Variants in CATSPERE observed in about 807,000 individuals in gnomAD.
CATSPERE encodes the protein catsper channel auxiliary subunit epsilon.
Under a neutral mutation model 114.1 loss-of-function variants are expected in CATSPERE, and 93 were observed. That is an observed-to-expected ratio of 0.81 (90% CI 0.69 to 0.97). The LOEUF (loss-of-function observed/expected upper bound fraction) is 0.97, where lower values mean the gene tolerates loss of function less well. Among genes scored for constraint, CATSPERE ranks in the 50% least tolerant of loss-of-function variants. The probability of loss-of-function intolerance (pLI) is 0.00; values close to 1 mark genes in which losing one functional copy is unlikely to be tolerated. For synonymous variants in CATSPERE, 341 were observed against 384.1 expected (o/e 0.89, Z 1.31); for missense variants, 1,058 against 1,131.6 (o/e 0.93, Z 0.93).
intron 2 of CATSPERE, among the ~76,000 whole-genome samples, chr1:244,474,285 A>T (rs1350327068): frequency 1.3e-5 from 2 of 152,020 alleles, no homozygotes; most frequent in African/African-American, 2.4e-5. Context: ...TGCCCACCTC[A>T]GCTTCCAAAG....
intron 17 of CATSPERE, 51 bp from the exon 18 acceptor site, chr1:244,605,644 C>A: frequency 8.1e-7 from 1 of 1,234,234 alleles, no homozygotes. Flanking sequence ...GAACTCTTAA[C>A]CCCTCTATTT....
intron 3 of CATSPERE, 142 bp from the exon 4 acceptor site, chr1:244,477,764 T>C (rs915187487): frequency 1.4e-5 from 13 of 922,564 alleles, no homozygotes; most frequent in Non-Finnish European, 2.0e-5. Context: ...TCGAATATAG[T>C]ATAGAAGTAA....
At chr1:244,558,851 G>A (rs1451433872) in intron 9 of CATSPERE, among the ~76,000 whole-genome samples, 1 of 151,974 alleles carries the variant, frequency 6.6e-6, no homozygotes, top group Non-Finnish European at 1.5e-5. Context: ...TACACTCTGG[G>A]TAGAGGCCAC....
intron 20 of CATSPERE, among the ~76,000 whole-genome samples, chr1:244,629,951 A>T (rs1673716655): frequency 6.6e-6 from 1 of 152,098 alleles, no homozygotes; most frequent in Non-Finnish European, 1.5e-5. Context: ...TGTCTCCTTT[A>T]TCTTACTAAT....
At chr1:244,542,980 T>A (rs1659103267) in intron 8 of CATSPERE, among the ~76,000 whole-genome samples, 1 of 152,236 alleles carries the variant, frequency 6.6e-6, no homozygotes, top group African/African-American at 2.4e-5. Flanking sequence ...TTGGTAAAGA[T>A]GTGGATAAAA....
At position 244,640,047 on chromosome 1, in the gene CATSPERE, T is replaced by G; in HGVS notation, c.2822T>G (p.Leu941Arg). ...RIYRRYIYEP[L>R]HKPQRKRKKN ...TATAGACGATATATTTATGAACCAC[T>G]TCACAAACCTCAAAGAAAACGTAAG... The change falls in exon 22 of 22, where the codon CTT (leucine) becomes CGT (arginine). Residue 941 changes from leucine (L) to arginine (R), a missense_variant. This residue lies in a region of CATSPERE where 787 missense variants were observed against 905.6 expected (regional missense o/e 0.87). Transcript: ENST00000366534. 1.9e-6 allele frequency: 3 copies of G among 1,549,968 alleles called. No homozygotes were observed. Among genetic ancestry groups the G allele is most frequent in the Non-Finnish European group, 2.6e-6 (3 of 1,146,260 alleles).
intron 8 of CATSPERE, among the ~76,000 whole-genome samples, chr1:244,520,272 G>A (rs1416798126): frequency 6.6e-6 from 1 of 151,848 alleles, no homozygotes; most frequent in Non-Finnish European, 1.5e-5. Context: ...TAAGCCCTTG[G>A]TCTACTTTGA....
At chr1:244,496,559 T>C (rs1000405992) in intron 6 of CATSPERE, among the ~76,000 whole-genome samples, 5 of 152,298 alleles carry the variant, frequency 3.3e-5, no homozygotes, top group Admixed American at 6.5e-5. Context: ...GGAGTTTTAC[T>C]TAATAACATG....
At chr1:244,518,998 G>A (rs1677084720) in intron 8 of CATSPERE, among the ~76,000 whole-genome samples, 1 of 151,852 alleles carries the variant, frequency 6.6e-6, no homozygotes, top group African/African-American at 2.4e-5. Context: ...GTCAACCACG[G>A]TGGTGTCCAG....
At chr1:244,466,498 C>T (rs1667625312) in intron 2 of CATSPERE, among the ~76,000 whole-genome samples, 1 of 152,148 alleles carries the variant, frequency 6.6e-6, no homozygotes, top group Non-Finnish European at 1.5e-5. Flanking sequence ...GGGTAGCATG[C>T]TGCCTGGTAT....
At chr1:244,588,159 A>C (rs1350194535) in intron 13 of CATSPERE, among the ~76,000 whole-genome samples, 1 of 146,050 alleles carries the variant, frequency 6.8e-6, no homozygotes, top group African/African-American at 2.6e-5. Context: ...GCACCACTGC[A>C]CTCCAGCCTG....
At chr1:244,551,000 C>T (rs1660530402) in intron 8 of CATSPERE, among the ~76,000 whole-genome samples, 1 of 152,108 alleles carries the variant, frequency 6.6e-6, no homozygotes, top group Admixed American at 6.5e-5. Flanking sequence ...TTTAGGTTAG[C>T]AAGAAAAAAG....
At chr1:244,634,374 G>A (rs900892359) in intron 20 of CATSPERE, among the ~76,000 whole-genome samples, 1 of 152,076 alleles carries the variant, frequency 6.6e-6, no homozygotes, top group African/African-American at 2.4e-5. Flanking sequence ...GTATTCTGAG[G>A]GGTAAATGAA....
intron 6 of CATSPERE, 120 bp downstream of exon 6, chr1:244,490,591 T>A (rs1671907847): frequency 1.5e-6 from 1 of 666,794 alleles, no homozygotes; most frequent in Non-Finnish European, 2.6e-6. Flanking sequence ...GATATTTGCT[T>A]AGAGTATACC....
intron 6 of CATSPERE, among the ~76,000 whole-genome samples, chr1:244,496,430 G>A (rs966087034): frequency 1.3e-5 from 2 of 152,174 alleles, no homozygotes; most frequent in South Asian, 2.1e-4. Context: ...GGTAGACTTG[G>A]CTGGGATGAG....
intron 8 of CATSPERE, among the ~76,000 whole-genome samples, chr1:244,531,892 T>A (rs1553343991): frequency 6.6e-6 from 1 of 152,210 alleles, no homozygotes; most frequent in Non-Finnish European, 1.5e-5. Flanking sequence ...GGGGATAGTT[T>A]GAGTCAGATT....
chr1:244,604,403 A>G (rs765351068), intron 17 of CATSPERE, among the ~76,000 whole-genome samples: 3 of 152,282 alleles, frequency 2.0e-5, no homozygotes, highest in Non-Finnish European at 4.4e-5. Context: ...GAATGGGACA[A>G]TAAATGCTTT....
At chr1:244,577,288 A>G (rs1665419191) in intron 11 of CATSPERE, among the ~76,000 whole-genome samples, 1 of 151,384 alleles carries the variant, frequency 6.6e-6, no homozygotes, top group African/African-American at 2.4e-5. Context: ...ATAATATTAT[A>G]TATAATTACT....
rs80226540 is a variant in CATSPERE, at chr1:244,499,105, T to C, written c.429+26T>C. On this transcript the variant is annotated intron_variant, in intron 7 of 21. Transcript: ENST00000366534. ...GTAGGTGGAAACATTAGTATCGTCATAGTAAGAACAGAATGCTGCCTTTCT... is the reference window on the plus strand; with the variant it reads ...GTAGGTGGAAACATTAGTATCGTCACAGTAAGAACAGAATGCTGCCTTTCT... 7.0e-4 allele frequency: 1,074 copies of C among 1,535,134 alleles called. 1 individual carries two copies. The African/African-American group carries it at 0.013, about 18-fold the overall frequency.
Sources: gnomAD v4.1 joint callset for allele counts (sites outside exome capture counted in the v4.1 genomes callset) on GRCh38, gnomAD v4.1.1 for gene constraint, gnomAD v4.1.1 regional missense constraint, MANE v1.5 for transcripts, NCBI Gene and HGNC (gene_info 2026-07-23, HGNC 2026-07-21) for gene names.